Variants in TMEM229B observed in about 807,000 individuals in gnomAD.
The protein encoded by TMEM229B is chromosome 14 open reading frame 83.
Under a neutral mutation model 13.7 loss-of-function variants are expected in TMEM229B, and 6 were observed. The ratio of observed to expected loss-of-function variants is 0.44; its 90% CI spans 0.24 to 0.86. TMEM229B has a LOEUF of 0.86. TMEM229B is among the 40% of genes least tolerant of loss of function. TMEM229B has a pLI of 0.23. For missense variants in TMEM229B, 170 were observed against 236.0 expected (o/e 0.72, Z 1.83); for synonymous variants, 107 against 102.1 (o/e 1.05, Z -0.29).
At chr14:67,518,922 G>A (rs1337241580), upstream of TMEM229B, among the ~76,000 whole-genome samples, 1 of 152,188 alleles carries the variant, frequency 6.6e-6, no homozygotes, top group African/African-American at 2.4e-5. Context: ...ATCACATGAA[G>A]TCTGTTGCAG....
intron 1 of TMEM229B, among the ~76,000 whole-genome samples, chr14:67,527,341 G>A (rs2033383021): frequency 6.6e-6 from 1 of 152,174 alleles, no homozygotes; most frequent in South Asian, 2.1e-4. Flanking sequence ...TGAGAATTAA[G>A]ATGATTCCTC....
At chr14:67,493,866 A>G (rs2032263148) in intron 1 of TMEM229B, among the ~76,000 whole-genome samples, 1 of 152,184 alleles carries the variant, frequency 6.6e-6, no homozygotes. Context: ...GCAGTGGCTC[A>G]CACATGTAAT....
chr14:67,472,707 T>C lies in TMEM229B; in HGVS notation c.*713A>G, dbSNP rs532181682. 5.9e-5 allele frequency: 9 copies of C among 152,472 alleles called. No individual in the cohort carries two copies. In the East Asian group the frequency reaches 1.7e-3, roughly 30 times the overall value. The allele number at this position is 152,472 out of a possible 1,614,324, so 9.4% of individuals were successfully genotyped here. On this transcript the variant is annotated 3_prime_UTR_variant, in exon 3 of 3. Transcript: ENST00000554480. ...ACCGACGTGGATAAAGAGCCGCTAG[T>C]GGTAAAGGCTTTGAAAACAAGACAG...
chr14:67,491,403 T>C (rs546374810), upstream of TMEM229B, among the ~76,000 whole-genome samples: 1 of 152,288 alleles, frequency 6.6e-6, no homozygotes, highest in Non-Finnish European at 1.5e-5. Context: ...AAGCATTTGG[T>C]CTTTCTGGAG....
chr14:67,489,756 C>T (rs559790244), upstream of TMEM229B, among the ~76,000 whole-genome samples: 2 of 152,250 alleles, frequency 1.3e-5, no homozygotes, highest in South Asian at 2.1e-4. Context: ...ATTGGGAGGC[C>T]GAGGCGGGCG....
At chr14:67,507,426 G>A (rs1404309827) in intron 1 of TMEM229B, among the ~76,000 whole-genome samples, 1 of 152,120 alleles carries the variant, frequency 6.6e-6, no homozygotes, top group East Asian at 1.9e-4. Context: ...CAGAGGAGCA[G>A]GGATAGGGGG....
At chr14:67,515,432 C>T, upstream of TMEM229B, 1 of 185,130 alleles carries the variant, frequency 5.4e-6, no homozygotes, top group Non-Finnish European at 1.1e-5. Context: ...GCGGCGGCGG[C>T]GGCGGCACTC....
At chr14:67,511,462 T>C (rs529665369) in intron 1 of TMEM229B, among the ~76,000 whole-genome samples, 1 of 151,810 alleles carries the variant, frequency 6.6e-6, no homozygotes, top group Non-Finnish European at 1.5e-5. Context: ...ATTTCAAAGA[T>C]GCTGTCTCTT....
At chr14:67,512,458 C>T (rs1459231404) in intron 1 of TMEM229B, among the ~76,000 whole-genome samples, 1 of 152,188 alleles carries the variant, frequency 6.6e-6, no homozygotes, top group Non-Finnish European at 1.5e-5. Context: ...CAGAAATTAT[C>T]CTTGCCTTAA....
At chr14:67,516,090 G>A (rs1382077358), upstream of TMEM229B, among the ~76,000 whole-genome samples, 1 of 152,210 alleles carries the variant, frequency 6.6e-6, no homozygotes, top group East Asian at 1.9e-4. Context: ...AATACCGAAC[G>A]TAGGAAATCG....
intron 1 of TMEM229B, among the ~76,000 whole-genome samples, chr14:67,504,077 G>A (rs771575531): frequency 1.3e-5 from 2 of 151,476 alleles, no homozygotes; most frequent in South Asian, 2.1e-4. Context: ...GCAGTCGTGC[G>A]ATCTCGGCTC....
intron 2 of TMEM229B, among the ~76,000 whole-genome samples, chr14:67,486,245 A>C (rs4902472): frequency 0.25 from 37,453 of 152,168 alleles, 5,598 homozygotes; most frequent in East Asian, 0.53. Context: ...TTCTTGTGAT[A>C]GTGAATAAAT....
At chr14:67,506,502 TC>T (rs1378548358) in intron 1 of TMEM229B, among the ~76,000 whole-genome samples, 1 of 151,786 alleles carries the variant, frequency 6.6e-6, no homozygotes, top group East Asian at 1.9e-4. Context: ...TCATCTCTCA[TC>T]CCCCCAGTAG....
chr14:67,486,123 T>C (rs920112277), intron 2 of TMEM229B, among the ~76,000 whole-genome samples: 2 of 152,238 alleles, frequency 1.3e-5, no homozygotes, highest in Admixed American at 6.5e-5. Flanking sequence ...ACAATCTGAA[T>C]GATATGGTTT....
chr14:67,486,486 G>A (rs774585501), intron 2 of TMEM229B, among the ~76,000 whole-genome samples: 6 of 152,184 alleles, frequency 3.9e-5, no homozygotes, highest in Non-Finnish European at 8.8e-5. Flanking sequence ...TGTTGGCCAG[G>A]ATGGTCTCAA....
chr14:67,487,565 G>A (rs1235966237), intron 1 of TMEM229B, among the ~76,000 whole-genome samples: 1 of 152,172 alleles, frequency 6.6e-6, no homozygotes, highest in African/African-American at 2.4e-5. Flanking sequence ...CTCATGGAAG[G>A]CAGACAATGT....
Position 67,472,581 on chromosome 14 carries a change from G to A in TMEM229B, c.*839C>T, listed in dbSNP as rs1012245285. 28 of 152,162 alleles carry A rather than the reference G, an allele frequency of 1.8e-4. No homozygotes were observed. The highest frequency in any genetic ancestry group is 6.8e-4 in the African/African-American group (28 of 41,410). 9.4% of individuals were successfully genotyped at this position (152,162 alleles called of 1,614,324 possible). A position where few individuals can be genotyped will look rare whatever the true frequency, so the allele number is the denominator to read the frequency against. On this transcript the variant is annotated 3_prime_UTR_variant, in exon 3 of 3. Transcript: ENST00000554480. ...AGGCATCAGGCCAGCCGGAACAGTG[G>A]AGGGAAGGGCTGCAAGGGGGTGAGG...
chr14:67,490,035 C>T (rs1024640472), upstream of TMEM229B, among the ~76,000 whole-genome samples: 6 of 152,068 alleles, frequency 3.9e-5, 1 homozygote, highest in South Asian at 4.1e-4. Flanking sequence ...TCCCCCACCA[C>T]GCTATGAATT....
At chr14:67,485,913 AG>A (rs2031848139) in intron 2 of TMEM229B, among the ~76,000 whole-genome samples, 1 of 152,212 alleles carries the variant, frequency 6.6e-6, no homozygotes. Context: ...ATGGCAGCTA[AG>A]GCTCACAAAT....
Sources: allele counts gnomAD v4.1 joint callset (sites outside exome capture counted in the v4.1 genomes callset), GRCh38; gene constraint gnomAD v4.1.1; transcripts MANE v1.5; gene names NCBI Gene and HGNC (gene_info 2026-07-23, HGNC 2026-07-21).